The following DTNB variants were observed in gnomAD, a reference collection of about 807,000 sequenced individuals.
The protein encoded by DTNB is DTN-B.
Under a neutral mutation model 90.7 loss-of-function variants are expected in DTNB, and 63 were observed. The observed-to-expected ratio is 0.69, with a 90% CI of 0.57 to 0.86. The LOEUF is 0.86. Among genes scored for constraint, DTNB ranks in the 40% least tolerant of loss-of-function variants. The probability of loss-of-function intolerance (pLI) is 0.00; values close to 1 mark genes in which losing one functional copy is unlikely to be tolerated. For missense variants in DTNB, 744 were observed against 807.1 expected (o/e 0.92, Z 0.95); for synonymous variants, 277 against 286.7 (o/e 0.97, Z 0.34).
chr2:25,415,938 C>A (rs1243768105), intron 16 of DTNB, among the ~76,000 whole-genome samples: 2 of 152,092 alleles, frequency 1.3e-5, no homozygotes, highest in East Asian at 1.9e-4. Flanking sequence ...TTTCATGAAC[C>A]ATTACAGCAA....
At chr2:25,511,318 C>G (rs1383175256) in intron 9 of DTNB, among the ~76,000 whole-genome samples, 1 of 152,060 alleles carries the variant, frequency 6.6e-6, no homozygotes, top group African/African-American at 2.4e-5. Flanking sequence ...CCTAAATTCA[C>G]GTTGGTTCAA....
intron 8 of DTNB, among the ~76,000 whole-genome samples, chr2:25,552,690 C>T (rs1156495342): frequency 6.6e-6 from 1 of 152,182 alleles, no homozygotes; most frequent in Non-Finnish European, 1.5e-5. Context: ...CTGCCCTGCC[C>T]ATTGTACTTA....
intron 8 of DTNB, among the ~76,000 whole-genome samples, chr2:25,568,384 T>C (rs111690020): frequency 1.3e-5 from 2 of 151,996 alleles, no homozygotes; most frequent in East Asian, 1.9e-4. Flanking sequence ...TACGCAGGCA[T>C]GGAGGGAGTT....
intron 6 of DTNB, among the ~76,000 whole-genome samples, chr2:25,593,786 C>T (rs1308598439): frequency 2.6e-5 from 4 of 152,138 alleles, no homozygotes; most frequent in Non-Finnish European, 5.9e-5. Flanking sequence ...GGAATACTAA[C>T]GTTGCAATTA....
intron 10 of DTNB, among the ~76,000 whole-genome samples, chr2:25,467,775 T>A (rs571321772): frequency 6.6e-6 from 1 of 152,208 alleles, no homozygotes; most frequent in African/African-American, 2.4e-5. Flanking sequence ...CAAGACAAGA[T>A]GAAATGCTTA....
intron 9 of DTNB, among the ~76,000 whole-genome samples, chr2:25,518,983 T>C (rs2075657827): frequency 6.6e-6 from 1 of 152,178 alleles, no homozygotes; most frequent in Admixed American, 6.5e-5. Flanking sequence ...ACTCTTCTTT[T>C]ACCAAAAAGA....
intron 16 of DTNB, among the ~76,000 whole-genome samples, chr2:25,396,618 T>C (rs1339586865): frequency 6.6e-6 from 1 of 151,618 alleles, no homozygotes; most frequent in African/African-American, 2.4e-5. Flanking sequence ...TGTACACTGC[T>C]TGGGTGACGG....
chr2:25,391,707 A>C (rs886784875), intron 16 of DTNB, among the ~76,000 whole-genome samples: 2 of 152,188 alleles, frequency 1.3e-5, no homozygotes, highest in African/African-American at 4.8e-5. Flanking sequence ...AGAAAACCAA[A>C]ATCATATCAA....
rs1573629278 is a variant in DTNB, at chr2:25,383,594, T to C, written c.1879+242A>G. 4.2e-6 allele frequency: 3 copies of C among 719,488 alleles called. No homozygotes were observed. The East Asian group carries it at 8.6e-5, about 21-fold the overall frequency. 44.6% of individuals were successfully genotyped at this position (719,488 alleles called of 1,614,324 possible). A position where few individuals can be genotyped will look rare whatever the true frequency, so the allele number is the denominator to read the frequency against. On this transcript the variant is annotated intron_variant, in intron 19 of 20. Transcript: ENST00000406818. Reference sequence around the variant, plus strand: ...CTTTTGTGTTCTACTTGTATCTACTTCCTGTATCCCAACTACCTATCCCAG... The same window carrying C: ...CTTTTGTGTTCTACTTGTATCTACTCCCTGTATCCCAACTACCTATCCCAG...
chr2:25,498,040 G>A (rs1383310116), intron 9 of DTNB, among the ~76,000 whole-genome samples: 5 of 152,040 alleles, frequency 3.3e-5, no homozygotes, highest in African/African-American at 1.2e-4. Flanking sequence ...TGTCTGTGCA[G>A]GCACTGCCCA....
intron 8 of DTNB, among the ~76,000 whole-genome samples, chr2:25,553,580 A>C (rs2151127181): frequency 6.6e-6 from 1 of 151,946 alleles, no homozygotes; most frequent in East Asian, 1.9e-4. Flanking sequence ...TCTACTAAAA[A>C]TACAAAAAAA....
chr2:25,399,637 C>A (rs1228834663), intron 16 of DTNB, among the ~76,000 whole-genome samples: 4 of 62,320 alleles, frequency 6.4e-5, no homozygotes, highest in Admixed American at 4.2e-4. Context: ...CTGGGCCCAG[C>A]CAACCAGTGA....
At position 25,383,138 on chromosome 2, in the gene DTNB, A is replaced by G. The variant is rs2038365502; in HGVS notation, c.1879+698T>C. ...CTCTTCCTTTTCAGAAACCCTTATT[A>G]TACTTATATGCTGAAAGTTTTATGA... On this transcript the variant is annotated intron_variant, in intron 19 of 20. Coordinates refer to ENST00000406818, the MANE Select transcript of DTNB (RefSeq NM_021907.5). 2.0e-5 allele frequency among the ~76,000 whole-genome samples: 3 copies of G among 151,566 alleles called. No homozygotes were observed. In the East Asian group the frequency reaches 5.8e-4, roughly 29 times the overall value.
chr2:25,666,310 A>C (rs1300843909), intron 1 of DTNB, among the ~76,000 whole-genome samples: 1 of 152,190 alleles, frequency 6.6e-6, no homozygotes, highest in Non-Finnish European at 1.5e-5. Context: ...GCCCCAAAAA[A>C]AGGCCTCCAT....
intron 9 of DTNB, among the ~76,000 whole-genome samples, chr2:25,483,273 T>C (rs543760808): frequency 6.6e-6 from 1 of 152,362 alleles, no homozygotes; most frequent in East Asian, 1.9e-4. Context: ...TGAATTTCTC[T>C]ACATTTTACG....
intron 19 of DTNB, among the ~76,000 whole-genome samples, chr2:25,382,410 C>G (rs958909734): frequency 2.0e-5 from 3 of 151,564 alleles, no homozygotes; most frequent in Admixed American, 6.6e-5. Context: ...ACAGAAAGAA[C>G]AGCTCACCCT....
chr2:25,425,090 G>C (rs889918104), intron 15 of DTNB, among the ~76,000 whole-genome samples: 3 of 152,180 alleles, frequency 2.0e-5, no homozygotes, highest in African/African-American at 7.2e-5. Flanking sequence ...TTTAGATGAG[G>C]GGCTAGGTTG....
intron 16 of DTNB, among the ~76,000 whole-genome samples, chr2:25,406,214 C>T (rs2045127548): frequency 6.6e-6 from 1 of 152,100 alleles, no homozygotes; most frequent in Admixed American, 6.5e-5. Context: ...GAAAGGTTCT[C>T]TGGACTCAGA....
chr2:25,671,422 C>A (rs1009612169), intron 1 of DTNB, among the ~76,000 whole-genome samples: 1 of 152,104 alleles, frequency 6.6e-6, no homozygotes, highest in African/African-American at 2.4e-5. Flanking sequence ...ATAAGGCACC[C>A]AATATTGTAG....
Sources: gnomAD v4.1 joint callset for allele counts (sites outside exome capture counted in the v4.1 genomes callset) on GRCh38, gnomAD v4.1.1 for gene constraint, MANE v1.5 for transcripts, NCBI Gene and HGNC (gene_info 2026-07-23, HGNC 2026-07-21) for gene names.